Variants in LAMA2 observed in about 807,000 individuals in gnomAD.
LAMA2 encodes laminin subunit alpha 2.
A neutral mutation model predicts 364.8 loss-of-function variants in LAMA2; 269 were observed. That is an observed-to-expected ratio of 0.74 (90% CI 0.67 to 0.82). The LOEUF is 0.82. Among genes scored for constraint, LAMA2 ranks in the 40% least tolerant of loss-of-function variants. LAMA2 has a pLI of 0.00. For missense variants in LAMA2, 3,807 were observed against 3,873.2 expected (o/e 0.98, Z 0.45); for synonymous variants, 1,379 against 1,370.6 (o/e 1.01, Z -0.14).
At chr6:129,240,409 T>G (rs1265213085) in intron 12 of LAMA2, among the ~76,000 whole-genome samples, 2 of 152,192 alleles carry the variant, frequency 1.3e-5, no homozygotes, top group Non-Finnish European at 2.9e-5. Context: ...GTTCTATTTC[T>G]CCACTATGAA....
intron 1 of LAMA2, chr6:128,930,050 C>CGTTGCAG: frequency 2.5e-6 from 1 of 406,436 alleles, no homozygotes; most frequent in Admixed American, 4.2e-5. Context: ...GTGGCGCCCG[C>CGTTGCAG]AGCCCTGCAG....
At position 129,192,833 on chromosome 6, in the gene LAMA2, G is replaced by C; in HGVS notation, c.1762G>C (p.Ala588Pro). The C allele has an allele frequency of 6.2e-7, 1 of 1,613,978 alleles. No homozygotes were observed. Among genetic ancestry groups the C allele is most frequent in the Non-Finnish European group, 8.5e-7 (1 of 1,179,926 alleles). ...GCACAGCTACTACTGGAGCGCGCCGGCTCCCTATCTGGGAAACAAAGTAAG... is the reference window on the plus strand; with the variant it reads ...GCACAGCTACTACTGGAGCGCGCCGCCTCCCTATCTGGGAAACAAAGTAAG... The part of the protein sequence containing the change: ...LPHSYYWSAP[A>P]PYLGNKLPAV... The change falls in exon 12 of 65, where the codon GCT becomes CCT. Residue 588 changes from alanine to proline, a missense_variant. By Grantham distance (27) the Ala-to-Pro change is conservative (BLOSUM62 -1). This residue lies in a region of LAMA2 where 3,333 missense variants were observed against 3,345.7 expected (regional missense o/e 1.00). Coordinates refer to ENST00000421865, the MANE Select transcript of LAMA2 (RefSeq NM_000426.4).
chr6:129,006,087 A>T (rs988957102), intron 1 of LAMA2, among the ~76,000 whole-genome samples: 2 of 152,114 alleles, frequency 1.3e-5, no homozygotes, highest in Admixed American at 1.3e-4. Context: ...GTCCATCAAT[A>T]TCACTGTTTG....
At chr6:129,151,175 G>T (rs1286335468) in intron 7 of LAMA2, among the ~76,000 whole-genome samples, 1 of 152,134 alleles carries the variant, frequency 6.6e-6, no homozygotes, top group Non-Finnish European at 1.5e-5. Context: ...CAGAAAGTGG[G>T]GCTGTAGGTG....
chr6:129,154,676 C>T lies in LAMA2; in HGVS notation c.1199C>T (p.Pro400Leu), dbSNP rs567687227. The change falls in exon 8 of 65, where the codon CCC becomes CTC. Residue 400 changes from proline to leucine, a missense_variant. Transcript: ENST00000421865. ...ACATGTACTGATGGCTTCTTCAGAC[C>T]CAAAGGGGTAAAGTATGCTTTTTCT... ...CETCTDGFFR[P>L]KGVSPNYPRP... is the part of the protein sequence containing the mutation. The T allele has an allele frequency of 1.1e-5, 18 of 1,613,142 alleles. No homozygotes were observed. In the South Asian group the frequency reaches 1.9e-4, roughly 17 times the overall value.
intron 1 of LAMA2, among the ~76,000 whole-genome samples, chr6:129,048,469 TTTCTTTCTTTCTTTCTTTCTTTCTTTCC>T (rs1247225304): frequency 1.4e-3 from 65 of 47,800 alleles, no homozygotes; most frequent in Admixed American, 2.1e-3. Flanking sequence ...TCTTTCTTTC[TTTCTTTCTTTCTTTCTTTCTTTCTTTCC>T]TTCCTTCCTT....
Position 129,434,901 on chromosome 6 carries a change from C to T in LAMA2, c.5969-3745C>T, listed in dbSNP as rs74867765. On this transcript the variant is annotated intron_variant, in intron 41 of 64. Coordinates refer to ENST00000421865, the MANE Select transcript of LAMA2 (RefSeq NM_000426.4). ...AACTACTTTAGAAAAAGGTGATCAG[C>T]GTAAGAAAGGGCAAATTAATAAGGA... 7.9e-4 allele frequency among the ~76,000 whole-genome samples: 119 copies of T among 151,372 alleles called. 1 individual carries two copies. The East Asian group carries it at 0.021, about 27-fold the overall frequency.
At chr6:129,447,704 T>C (rs1475987540) in intron 45 of LAMA2, among the ~76,000 whole-genome samples, 1 of 151,956 alleles carries the variant, frequency 6.6e-6, no homozygotes, top group African/African-American at 2.4e-5. Context: ...ATGGGGTAGA[T>C]GAAAGAAAGA....
intron 1 of LAMA2, among the ~76,000 whole-genome samples, chr6:128,911,612 C>G (rs1476360718): frequency 6.6e-6 from 1 of 152,212 alleles, no homozygotes; most frequent in African/African-American, 2.4e-5. Context: ...GTCGCTCACG[C>G]TGGGAGCTGT....
At chr6:129,272,367 G>A (rs1787998724) in intron 17 of LAMA2, among the ~76,000 whole-genome samples, 2 of 152,086 alleles carry the variant, frequency 1.3e-5, no homozygotes, top group South Asian at 2.1e-4. Flanking sequence ...GACTCTCATA[G>A]GGTTGATGTG....
At chr6:129,342,616 AGTG>A in intron 30 of LAMA2, 149 bp downstream of exon 30, 2 of 710,274 alleles carry the variant, frequency 2.8e-6, no homozygotes, top group Non-Finnish European at 4.5e-6. Flanking sequence ...ACATGACAAA[AGTG>A]AGTATATAAT....
At chr6:129,353,076 T>C in intron 31 of LAMA2, 88 bp from the exon 32 acceptor site, 2 of 956,538 alleles carry the variant, frequency 2.1e-6, no homozygotes, top group Admixed American at 2.2e-5. Flanking sequence ...CTATCAGTTT[T>C]GTTGCATCAA....
chr6:129,439,067 C>CCT (rs980306838), intron 42 of LAMA2, among the ~76,000 whole-genome samples: 7 of 139,408 alleles, frequency 5.0e-5, no homozygotes, highest in African/African-American at 1.9e-4. Context: ...GGTTCCAGGA[C>CCT]CCCCCCCCAC....
intron 40 of LAMA2, among the ~76,000 whole-genome samples, chr6:129,412,737 T>C (rs1780597149): frequency 6.6e-6 from 1 of 152,170 alleles, no homozygotes; most frequent in African/African-American, 2.4e-5. Flanking sequence ...TACCACCTTT[T>C]GCATCTTGTA....
chr6:129,072,467 G>A (rs1773380091), intron 3 of LAMA2, among the ~76,000 whole-genome samples: 1 of 151,982 alleles, frequency 6.6e-6, no homozygotes. Flanking sequence ...TGTATCTTCT[G>A]TGAGCAGCAT....
intron 48 of LAMA2, among the ~76,000 whole-genome samples, chr6:129,457,180 G>A (rs755277349): frequency 1.3e-5 from 2 of 152,044 alleles, no homozygotes; most frequent in East Asian, 3.9e-4. Context: ...AATGTGAAAA[G>A]CCAGGGTGAC....
chr6:129,125,552 G>A (rs922349897), intron 4 of LAMA2, among the ~76,000 whole-genome samples: 3 of 152,136 alleles, frequency 2.0e-5, no homozygotes, highest in East Asian at 1.9e-4. Flanking sequence ...CATTGCAAAC[G>A]TTACATATTC....
In LAMA2 at chr6:129,465,297, T is replaced by C. The variant is rs1783484914; in HGVS notation, c.7300+8T>C. 6.2e-7 allele frequency: 1 copy of C among 1,604,460 alleles called. No homozygotes were observed. The highest frequency in any genetic ancestry group is 2.2e-5 in the East Asian group (1 of 44,700). On this transcript the variant is annotated splice_region_variant and intron_variant, in intron 51 of 64. Coordinates refer to ENST00000421865, the MANE Select transcript of LAMA2 (RefSeq NM_000426.4). ...CAAGAATTCAAAAACAAGGTGAGTT[T>C]TTACAGTAATAATGCAATATAGGCC...
intron 29 of LAMA2, among the ~76,000 whole-genome samples, chr6:129,331,442 G>T (rs1341307876): frequency 1.3e-5 from 2 of 151,784 alleles, no homozygotes; most frequent in Non-Finnish European, 2.9e-5. Context: ...TGAGAATTTA[G>T]AAGCTGTCAG....
Sources: allele counts gnomAD v4.1 joint callset (sites outside exome capture counted in the v4.1 genomes callset), GRCh38; gene constraint gnomAD v4.1.1; regional missense constraint gnomAD v4.1.1; transcripts MANE v1.5; gene names NCBI Gene and HGNC (gene_info 2026-07-23, HGNC 2026-07-21).